Variants in TMEM132B observed in about 807,000 individuals in gnomAD.
TMEM132B encodes transmembrane protein 132B.
In TMEM132B, 18 loss-of-function variants were observed where a neutral mutation model predicts 90.8. The observed-to-expected ratio is 0.20, with a 90% CI of 0.14 to 0.29. TMEM132B has a LOEUF of 0.29. Among genes scored for constraint, TMEM132B ranks in the 10% least tolerant of loss-of-function variants. The pLI, the probability that TMEM132B is intolerant of heterozygous loss-of-function variation, is 1.00. For missense variants in TMEM132B, 1,096 were observed against 1,326.8 expected (o/e 0.83, Z 2.70); for synonymous variants, 504 against 523.3 (o/e 0.96, Z 0.50).
At chr12:125,200,899 C>G (rs1300416785) in intron 1 of TMEM132B, among the ~76,000 whole-genome samples, 1 of 152,122 alleles carries the variant, frequency 6.6e-6, no homozygotes, top group Non-Finnish European at 1.5e-5. Flanking sequence ...TCTTGGAATG[C>G]CAGCCCATCT....
rs149952468 is a variant in TMEM132B at position 125,429,236 on chromosome 12, A to G, written c.1106+13559A>G. ...TTTTTTCAAGAGGGAGTCTCACTCT[A>G]TCACCCAGGCTGGAATGCAGTGGCA... On this transcript the variant is annotated intron_variant, in intron 3 of 8. Transcript: ENST00000682704. 8.2e-3 allele frequency among the ~76,000 whole-genome samples: 1,238 copies of G among 150,388 alleles called. 17 individuals are homozygous for G. The highest frequency in any genetic ancestry group is 0.028 in the African/African-American group (1,125 of 40,754).
chr12:125,326,183 C>CT (rs1593085432), intron 1 of TMEM132B, among the ~76,000 whole-genome samples: 1 of 152,222 alleles, frequency 6.6e-6, no homozygotes, highest in East Asian at 1.9e-4. Context: ...AATCAAGGTT[C>CT]TCCACAAAGG....
At chr12:125,318,991 C>T (rs541811106) in intron 1 of TMEM132B, among the ~76,000 whole-genome samples, 2 of 152,288 alleles carry the variant, frequency 1.3e-5, no homozygotes, top group African/African-American at 2.4e-5. Context: ...CCACTGGGGT[C>T]CCCCGGTTGT....
Position 125,331,221 on chromosome 12 carries a change from C to T in TMEM132B, c.68-18231C>T, listed in dbSNP as rs115194259. On this transcript the variant is annotated intron_variant, in intron 1 of 8. Transcript: ENST00000682704. Reference sequence around the variant, plus strand: ...TCCGGGCTCCCGGGTCGGTCCCCTCCTCCGCGTTGCTGCCCCAGGAGTCCG... The same window carrying T: ...TCCGGGCTCCCGGGTCGGTCCCCTCTTCCGCGTTGCTGCCCCAGGAGTCCG... Among the ~76,000 whole-genome samples, 1,471 of 152,364 alleles carry T rather than the reference C, an allele frequency of 9.7e-3. 24 individuals carry two copies. The highest frequency in any genetic ancestry group is 0.034 in the African/African-American group (1,407 of 41,598).
intron 2 of TMEM132B, among the ~76,000 whole-genome samples, chr12:125,410,944 AGGAGT>A (rs1301805138): frequency 1.6e-4 from 1 of 6,274 alleles, no homozygotes. Context: ...AGTGGAGTGG[AGGAGT>A]GGAGTGGAGT....
intron 1 of TMEM132B, among the ~76,000 whole-genome samples, chr12:125,272,897 T>A (rs1364753681): frequency 6.6e-6 from 1 of 152,238 alleles, no homozygotes; most frequent in Admixed American, 6.5e-5. Flanking sequence ...AATGTCATTC[T>A]TCGCTCAAAC....
chr12:125,471,297 G>A (rs1881713492), intron 3 of TMEM132B, among the ~76,000 whole-genome samples: 1 of 152,204 alleles, frequency 6.6e-6, no homozygotes, highest in Non-Finnish European at 1.5e-5. Flanking sequence ...TGGGGGACAG[G>A]ATGTGTCCTG....
At chr12:125,608,513 G>A (rs1023059156) in intron 5 of TMEM132B, among the ~76,000 whole-genome samples, 1 of 152,094 alleles carries the variant, frequency 6.6e-6, no homozygotes, top group South Asian at 2.1e-4. Flanking sequence ...CTCCCATCCC[G>A]TGGGTTGTCC....
At chr12:125,438,420 G>C (rs564959979) in intron 3 of TMEM132B, among the ~76,000 whole-genome samples, 1 of 152,320 alleles carries the variant, frequency 6.6e-6, no homozygotes, top group South Asian at 2.1e-4. Context: ...ATACATGCAG[G>C]TGCGTGGTAT....
At chr12:125,462,659 G>C (rs1356042534) in intron 3 of TMEM132B, among the ~76,000 whole-genome samples, 1 of 152,138 alleles carries the variant, frequency 6.6e-6, no homozygotes, top group Non-Finnish European at 1.5e-5. Context: ...CTATGGGCTG[G>C]TTGAACTCGG....
chr12:125,307,788 G>T (rs370404178), intron 1 of TMEM132B, among the ~76,000 whole-genome samples: 2 of 81,894 alleles, frequency 2.4e-5, no homozygotes, highest in African/African-American at 5.0e-5. Flanking sequence ...TATAATACAA[G>T]TATATTACAA....
chr12:125,218,938 G>A lies in TMEM132B; in HGVS notation c.67+32072G>A, dbSNP rs1243784496. 2.0e-5 allele frequency among the ~76,000 whole-genome samples: 3 copies of A among 152,114 alleles called. No homozygotes were observed. In the East Asian group the frequency reaches 5.8e-4, roughly 29 times the overall value. On this transcript the variant is annotated intron_variant, in intron 1 of 8. Transcript: ENST00000682704. ...GGTCTCCTTTTGGGGTGATGAAAAT[G>A]TTTTGAAACTAGATAAAGGTGGTGT... is the stretch of plus-strand genomic sequence containing the variant.
rs1323633368 is a variant in TMEM132B at position 125,349,104 on chromosome 12, G to A, written c.68-348G>A. ...CCTGATTGGTAGACTTGGTAGGTAC[G>A]CAACCTTTTATCTGTGGGGTAGATG... On this transcript the variant is annotated intron_variant, in intron 1 of 8. Coordinates refer to ENST00000682704, the MANE Select transcript of TMEM132B (RefSeq NM_001366854.1). This position sits in a 1 kb window ranked among gnomAD's most constrained non-coding sequence, Gnocchi z 4.1. Among the ~76,000 whole-genome samples, 4 of 152,158 alleles carry A rather than the reference G, an allele frequency of 2.6e-5. No homozygotes were observed. The highest frequency in any genetic ancestry group is 1.3e-4 in the Admixed American group (2 of 15,288).
intron 1 of TMEM132B, among the ~76,000 whole-genome samples, chr12:125,221,037 CAT>C (rs1024606546): frequency 2.0e-5 from 3 of 152,258 alleles, no homozygotes; most frequent in African/African-American, 7.2e-5. Context: ...ACTTTAGCCA[CAT>C]GTCATCATTT....
At chr12:125,536,043 G>A (rs1344471340) in intron 4 of TMEM132B, among the ~76,000 whole-genome samples, 1 of 152,178 alleles carries the variant, frequency 6.6e-6, no homozygotes, top group African/African-American at 2.4e-5. Flanking sequence ...CAGGGAGGTG[G>A]GTTGCATCTG....
chr12:125,338,347 C>G (rs1217607855), intron 1 of TMEM132B, among the ~76,000 whole-genome samples: 1 of 152,222 alleles, frequency 6.6e-6, no homozygotes, highest in Non-Finnish European at 1.5e-5. Context: ...CCTGGTTGCA[C>G]AGTGGCTGCT....
chr12:125,485,604 A>T (rs1882180055), intron 3 of TMEM132B, among the ~76,000 whole-genome samples: 1 of 152,092 alleles, frequency 6.6e-6, no homozygotes, highest in African/African-American at 2.4e-5. Flanking sequence ...TATCAAATTG[A>T]ATTGTTTCTC....
At chr12:125,298,271 A>G (rs985531236) in intron 1 of TMEM132B, among the ~76,000 whole-genome samples, 2 of 151,978 alleles carry the variant, frequency 1.3e-5, no homozygotes, top group African/African-American at 4.8e-5. Flanking sequence ...AAAACAAAAC[A>G]AAATGAAAAC....
chr12:125,358,517 C>T (rs962540276), intron 2 of TMEM132B, among the ~76,000 whole-genome samples: 6 of 152,082 alleles, frequency 3.9e-5, no homozygotes, highest in Non-Finnish European at 8.8e-5. Context: ...TGTTTTTTTA[C>T]ACTTCTTTTT....
Sources: allele counts gnomAD v4.1 joint callset (sites outside exome capture counted in the v4.1 genomes callset), GRCh38; gene constraint gnomAD v4.1.1; non-coding constraint Gnocchi (gnomAD v3.1); transcripts MANE v1.5; gene names NCBI Gene and HGNC (gene_info 2026-07-23, HGNC 2026-07-21).